Variants in OGA observed in about 807,000 individuals in gnomAD.
OGA encodes O-GlcNAcase, also known as protein O-GlcNAcase.
OGA carries 21 observed loss-of-function variants against 102.0 expected under a neutral mutation model. The observed-to-expected ratio is 0.21, with a 90% CI of 0.15 to 0.30. The LOEUF (loss-of-function observed/expected upper bound fraction) is 0.30, where lower values mean the gene tolerates loss of function less well. Ranked by LOEUF, OGA falls within the 10% of genes least tolerant of loss-of-function variation. The probability of loss-of-function intolerance (pLI) is 1.00; values close to 1 mark genes in which losing one functional copy is unlikely to be tolerated. For missense variants in OGA, 765 were observed against 1,107.8 expected, an observed-to-expected ratio of 0.69 and a Z score of 4.39; for synonymous variants, 408 against 378.2, an observed-to-expected ratio of 1.08 and a Z score of -0.91.
rs569706861 is a variant in OGA, at chr10:101,785,239, T to C, written c.*1212A>G. The C allele has an allele frequency of 3.9e-5, 6 of 152,276 alleles. No homozygotes were observed. Among genetic ancestry groups the C allele is most frequent in the African/African-American group, 1.4e-4 (6 of 41,546 alleles). 9.4% of individuals were successfully genotyped at this position (152,276 alleles called of 1,614,324 possible). On this transcript the variant is annotated 3_prime_UTR_variant, in exon 16 of 16. Transcript: ENST00000361464. ...TCAGAACCCTTAAAAACACAGAATCTAAATTAAAATACATGAAGCTTTCAC... is the reference window on the plus strand; with the variant it reads ...TCAGAACCCTTAAAAACACAGAATCCAAATTAAAATACATGAAGCTTTCAC...
chr10:101,804,417 C>T (rs913423261), intron 6 of OGA, among the ~76,000 whole-genome samples: 4 of 150,804 alleles, frequency 2.7e-5, no homozygotes, highest in African/African-American at 9.8e-5. Context: ...GGACTACAGG[C>T]GCCCTCCACC....
At chr10:101,814,310 A>G (rs2065594751) in intron 1 of OGA, among the ~76,000 whole-genome samples, 1 of 151,804 alleles carries the variant, frequency 6.6e-6, no homozygotes, top group Non-Finnish European at 1.5e-5. Flanking sequence ...CCTGGGCTAC[A>G]GAGCAAGACT....
At chr10:101,809,969 G>C (rs1417719957) in intron 4 of OGA, among the ~76,000 whole-genome samples, 2 of 150,920 alleles carry the variant, frequency 1.3e-5, no homozygotes, top group Non-Finnish European at 3.0e-5. Context: ...CTTGAACCCG[G>C]GAGGCGGAGG....
At chr10:101,807,587 C>G (rs1263570409) in intron 5 of OGA, 143 bp downstream of exon 5, 1 of 560,990 alleles carries the variant, frequency 1.8e-6, no homozygotes, top group Non-Finnish European at 2.8e-6. Context: ...AATTTAGGAT[C>G]TTGAAAAATG....
chr10:101,795,947 T>C, intron 10 of OGA: 1 of 967,866 alleles, frequency 1.0e-6, no homozygotes, highest in Non-Finnish European at 1.2e-6. Context: ...GCTACCACCA[T>C]AAATGCTCAG....
intron 9 of OGA, 60 bp downstream of exon 9, chr10:101,798,782 C>A: frequency 6.5e-7 from 1 of 1,539,790 alleles, no homozygotes. Context: ...GAACCTTTTC[C>A]ACATTACCAG....
intron 6 of OGA, 112 bp downstream of exon 6, chr10:101,805,933 C>T (rs1032017769): frequency 4.1e-5 from 27 of 666,020 alleles, no homozygotes; most frequent in Non-Finnish European, 6.1e-5. Flanking sequence ...CCATCCTGGG[C>T]GACAGAGTGA....
chr10:101,806,232 C>CAAAG, intron 5 of OGA, 89 bp from the exon 6 acceptor site: 2 of 787,426 alleles, frequency 2.5e-6, no homozygotes, highest in Non-Finnish European at 4.2e-6. Context: ...GACGGAGTCT[C>CAAAG]ACTCTTGATG....
intron 1 of OGA, 30 bp downstream of exon 1, chr10:101,817,794 C>T: frequency 6.5e-7 from 1 of 1,534,936 alleles, no homozygotes. Flanking sequence ...CGTGTTAGTG[C>T]CAAAACGGGG....
chr10:101,795,458 A>T (rs575147053), intron 10 of OGA, among the ~76,000 whole-genome samples: 1 of 152,346 alleles, frequency 6.6e-6, no homozygotes, highest in South Asian at 2.1e-4. Context: ...AGTAGTAGAC[A>T]CTTGTGCTGA....
chr10:101,816,194 C>G (rs1410580476), intron 1 of OGA, among the ~76,000 whole-genome samples: 3 of 152,062 alleles, frequency 2.0e-5, no homozygotes, highest in Non-Finnish European at 1.5e-5. Context: ...ACCCGGGAGG[C>G]GGAGGTTGCA....
rs112292834 is a variant in OGA at position 101,811,577 on chromosome 10, C to T, written c.350-1263G>A. Among the ~76,000 whole-genome samples the T allele has an allele frequency of 7.5e-3, 1,145 of 152,118 alleles. 18 individuals are homozygous for T. Among genetic ancestry groups the T allele is most frequent in the African/African-American group, 0.026 (1,079 of 41,518 alleles). On this transcript the variant is annotated intron_variant, in intron 3 of 15. Coordinates refer to ENST00000361464, the MANE Select transcript of OGA (RefSeq NM_012215.5). ...AATTAGCTGGGTGTGGTGACCCGCG[C>T]TTGTAGTCCCAGCTACTTGGGGGAC... is the stretch of plus-strand genomic sequence containing the variant.
At chr10:101,809,683 G>A (rs1296947780) in intron 4 of OGA, among the ~76,000 whole-genome samples, 3 of 137,928 alleles carry the variant, frequency 2.2e-5, no homozygotes, top group African/African-American at 5.5e-5. Context: ...TGCACTCCAG[G>A]CAACAGGGCA....
chr10:101,812,260 G>A (rs983523197), intron 3 of OGA, among the ~76,000 whole-genome samples: 2 of 151,898 alleles, frequency 1.3e-5, no homozygotes, highest in African/African-American at 2.4e-5. Flanking sequence ...ATAGCAGGCC[G>A]GCCGGGCACA....
At chr10:101,804,099 C>G in intron 6 of OGA, 80 bp from the exon 7 acceptor site, 12 of 1,311,596 alleles carry the variant, frequency 9.1e-6, no homozygotes, top group Non-Finnish European at 1.2e-5. Flanking sequence ...AATCCCAGCA[C>G]TCTGGGAGGC....
intron 14 of OGA, among the ~76,000 whole-genome samples, chr10:101,789,682 T>C (rs1038433542): frequency 6.6e-6 from 1 of 151,676 alleles, no homozygotes; most frequent in Admixed American, 6.6e-5. Context: ...ATCTAAAAAA[T>C]GCATATACTG....
rs147572165 is a variant in OGA at position 101,800,311 on chromosome 10, G to A, written c.1126C>T (p.Pro376Ser). The A allele has an allele frequency of 3.1e-6, 5 of 1,613,624 alleles. No individual in the cohort carries two copies. The African/African-American group carries it at 6.7e-5, about 22-fold the overall frequency. ...AATGCTAGCTTTAGAGCCATCTGTG[G>A]ACTATAGAGTACATCAGTTTCAATA... Reference protein sequence around the residue: ...EDIETDVLYSPQMALKLALTE... With the variant: ...EDIETDVLYSSQMALKLALTE... The change falls in exon 8 of 16, where the codon CCA becomes TCA. Residue 376 changes from proline (P) to serine (S), a missense_variant. Coordinates refer to ENST00000361464, the MANE Select transcript of OGA (RefSeq NM_012215.5).
At chr10:101,802,804 T>C (rs2065411488) in intron 7 of OGA, among the ~76,000 whole-genome samples, 1 of 151,678 alleles carries the variant, frequency 6.6e-6, no homozygotes, top group Admixed American at 6.6e-5. Flanking sequence ...TAGAGATTTT[T>C]CATAAATTAA....
chr10:101,815,961 G>GAAAAAAAAAAAAAAA lies in OGA; in HGVS notation c.199+1862_199+1863insTTTTTTTTTTTTTTT, dbSNP rs1185344174. Among the ~76,000 whole-genome samples, 20 of 23,786 alleles carry GAAAAAAAAAAAAAAA rather than the reference G, an allele frequency of 8.4e-4. 6 individuals carry two copies. Among genetic ancestry groups the GAAAAAAAAAAAAAAA allele is most frequent in the South Asian group, 1.2e-3 (1 of 812 alleles). 15.6% of individuals were successfully genotyped at this position (23,786 alleles called of 152,430 possible). ...TGCCAACCAAGAGGTATCAAAAAGAGAGAAAAAAAAAAAAAAAAAAAAAAA... is the reference window on the plus strand; with the variant it reads ...TGCCAACCAAGAGGTATCAAAAAGAGAAAAAAAAAAAAAAAAGAAAAAAAAAAAAAAAAAAAAAAA... On this transcript the variant is annotated intron_variant, in intron 1 of 15. Coordinates refer to ENST00000361464, the MANE Select transcript of OGA (RefSeq NM_012215.5).
Sources: allele counts gnomAD v4.1 joint callset (sites outside exome capture counted in the v4.1 genomes callset), GRCh38; gene constraint gnomAD v4.1.1; transcripts MANE v1.5; gene names NCBI Gene and HGNC (gene_info 2026-07-23, HGNC 2026-07-21).